NELL1: variants seen among roughly 807,000 people sequenced by gnomAD.
The protein encoded by NELL1 is neural EGFL like 1.
NELL1 carries 76 observed loss-of-function variants against 107.4 expected under a neutral mutation model. The observed-to-expected ratio is 0.71, with a 90% confidence interval of 0.59 to 0.86. NELL1 has a LOEUF of 0.86. NELL1 is among the 40% of genes least tolerant of loss of function. The pLI is 0.00. For missense variants in NELL1, 1,024 were observed against 1,005.5 expected, an observed-to-expected ratio of 1.02 and a Z score of -0.25; for synonymous variants, 353 against 341.2, an observed-to-expected ratio of 1.03 and a Z score of -0.38.
intron 14 of NELL1, among the ~76,000 whole-genome samples, chr11:21,264,225 T>G (rs1848594498): frequency 6.6e-6 from 1 of 151,782 alleles, no homozygotes; most frequent in East Asian, 1.9e-4. Flanking sequence ...GAGCACAGGC[T>G]TAGGAGGAAG....
intron 12 of NELL1, among the ~76,000 whole-genome samples, chr11:21,038,539 G>A (rs2134327760): frequency 6.6e-6 from 1 of 152,262 alleles, no homozygotes. Flanking sequence ...TAGCACTGCT[G>A]GCTTATTTTC....
At chr11:21,326,507 A>T (rs1451946142) in intron 14 of NELL1, among the ~76,000 whole-genome samples, 2 of 152,100 alleles carry the variant, frequency 1.3e-5, no homozygotes, top group Non-Finnish European at 2.9e-5. Context: ...ATTTAAAAAA[A>T]TTTTAATAGT....
chr11:21,197,700 A>T (rs1261241442), intron 13 of NELL1, among the ~76,000 whole-genome samples: 1 of 152,160 alleles, frequency 6.6e-6, no homozygotes, highest in Non-Finnish European at 1.5e-5. Context: ...AGTGTGAGGC[A>T]ACTGATAAAT....
At chr11:21,452,465 T>G (rs1853611915) in intron 15 of NELL1, among the ~76,000 whole-genome samples, 1 of 152,148 alleles carries the variant, frequency 6.6e-6, no homozygotes, top group African/African-American at 2.4e-5. Flanking sequence ...TGTTGTTTAA[T>G]TTATTGACAT....
chr11:20,737,109 GTTAT>G (rs1335652260), intron 2 of NELL1, among the ~76,000 whole-genome samples: 6 of 151,678 alleles, frequency 4.0e-5, no homozygotes, highest in African/African-American at 1.5e-4. Flanking sequence ...TCTTCCCTAC[GTTAT>G]TTATTTATTT....
chr11:21,554,910 C>A (rs1273317555), intron 16 of NELL1, among the ~76,000 whole-genome samples: 2 of 151,878 alleles, frequency 1.3e-5, no homozygotes, highest in African/African-American at 4.8e-5. Flanking sequence ...GCCAGGCAAA[C>A]TGGTATCCGC....
chr11:21,228,659 A>G (rs2133882541), intron 13 of NELL1, among the ~76,000 whole-genome samples: 1 of 126,218 alleles, frequency 7.9e-6, no homozygotes, highest in East Asian at 2.3e-4. Flanking sequence ...TCTCTCATAT[A>G]GGTTTGTTTC....
chr11:21,179,862 CTTTTTTTTTTTTT>C (rs1164420669), intron 13 of NELL1, among the ~76,000 whole-genome samples: 5 of 75,710 alleles, frequency 6.6e-5, no homozygotes, highest in South Asian at 6.0e-4. Context: ...AATCAACACA[CTTTTTTTTTTTTT>C]TTTTTTTTTT....
At chr11:21,199,915 T>A (rs1349362840) in intron 13 of NELL1, among the ~76,000 whole-genome samples, 1 of 151,916 alleles carries the variant, frequency 6.6e-6, no homozygotes, top group Admixed American at 6.6e-5. Context: ...TCTGTTCTTG[T>A]GTTAGTTTGC....
intron 14 of NELL1, among the ~76,000 whole-genome samples, chr11:21,276,344 C>T (rs537487096): frequency 1.9e-3 from 284 of 152,150 alleles, no homozygotes; most frequent in African/African-American, 6.4e-3. Context: ...TTGCAAGGGA[C>T]GTGAAGGACC....
chr11:21,041,356 T>C lies in NELL1; in HGVS notation c.1301-72233T>C, dbSNP rs561662973. ...TAATATAAATATAATATCATGGCATTAATGGATGAACATTCCATGGATATT... is the reference window on the plus strand; with the variant it reads ...TAATATAAATATAATATCATGGCATCAATGGATGAACATTCCATGGATATT... On this transcript the variant is annotated intron_variant, in intron 12 of 19. Transcript: ENST00000357134. 4.6e-5 allele frequency among the ~76,000 whole-genome samples: 7 copies of C among 152,338 alleles called. No homozygotes were observed. In the South Asian group the frequency reaches 1.5e-3, roughly 32 times the overall value.
At chr11:21,122,023 A>G (rs1408222330) in intron 13 of NELL1, among the ~76,000 whole-genome samples, 3 of 152,208 alleles carry the variant, frequency 2.0e-5, no homozygotes, top group Non-Finnish European at 4.4e-5. Flanking sequence ...TGATGAAAAT[A>G]AGTCTGAAAG....
intron 3 of NELL1, among the ~76,000 whole-genome samples, chr11:20,789,889 C>T (rs1486099378): frequency 6.6e-6 from 1 of 152,136 alleles, no homozygotes; most frequent in Non-Finnish European, 1.5e-5. Context: ...GGTGGCTTCT[C>T]TCTGCAGCGG....
At chr11:20,922,171 C>T (rs1336157615) in intron 7 of NELL1, among the ~76,000 whole-genome samples, 28 of 151,962 alleles carry the variant, frequency 1.8e-4, no homozygotes, top group Admixed American at 1.8e-3. Flanking sequence ...GATACTTTTC[C>T]CCAACTCTGT....
intron 14 of NELL1, among the ~76,000 whole-genome samples, chr11:21,325,073 C>A (rs550573866): frequency 2.0e-5 from 3 of 152,054 alleles, no homozygotes; most frequent in African/African-American, 7.2e-5. Context: ...ATAGGGGTTT[C>A]CTTTTCTTCT....
At chr11:21,234,157 T>G (rs1858138222) in intron 14 of NELL1, among the ~76,000 whole-genome samples, 1 of 152,236 alleles carries the variant, frequency 6.6e-6, no homozygotes, top group South Asian at 2.1e-4. Context: ...AGAAATCCAC[T>G]GGCAAACTGG....
At chr11:21,010,335 G>T (rs1318606137) in intron 12 of NELL1, among the ~76,000 whole-genome samples, 1 of 151,684 alleles carries the variant, frequency 6.6e-6, no homozygotes, top group East Asian at 1.9e-4. Context: ...TTCTCTTATA[G>T]TGAGGATTCA....
At chr11:21,551,088 A>T (rs1315074534) in intron 16 of NELL1, among the ~76,000 whole-genome samples, 1 of 151,018 alleles carries the variant, frequency 6.6e-6, no homozygotes, top group Non-Finnish European at 1.5e-5. Flanking sequence ...TAGGTATTTT[A>T]TTCTCTTTGA....
intron 12 of NELL1, among the ~76,000 whole-genome samples, chr11:21,111,859 C>T (rs922647522): frequency 2.0e-5 from 3 of 152,108 alleles, no homozygotes; most frequent in African/African-American, 7.2e-5. Flanking sequence ...TCTCTAATAC[C>T]TGGCTTCTCT....
Sources: gnomAD v4.1 joint callset for allele counts (sites outside exome capture counted in the v4.1 genomes callset) on GRCh38, gnomAD v4.1.1 for gene constraint, MANE v1.5 for transcripts, NCBI Gene and HGNC (gene_info 2026-07-23, HGNC 2026-07-21) for gene names.